Variants in CSRNP3 observed in about 807,000 individuals in gnomAD.
CSRNP3 encodes cysteine and serine rich nuclear protein 3, also known as cysteine/serine-rich nuclear protein 3.
Under a neutral mutation model 48.0 loss-of-function variants are expected in CSRNP3, and 12 were observed. The ratio of observed to expected loss-of-function variants is 0.25; its 90% CI spans 0.16 to 0.41. CSRNP3 has a LOEUF of 0.41. CSRNP3 is among the 10% of genes least tolerant of loss of function. CSRNP3 has a pLI of 1.00. For missense variants in CSRNP3, 580 were observed against 724.4 expected (o/e 0.80, Z 2.29); for synonymous variants, 263 against 269.7 (o/e 0.98, Z 0.24).
intron 3 of CSRNP3, among the ~76,000 whole-genome samples, chr2:165,567,170 A>G (rs1685308013): frequency 6.6e-6 from 1 of 152,044 alleles, no homozygotes; most frequent in Admixed American, 6.6e-5. Flanking sequence ...AGCATATGCT[A>G]TTTTACTCCA....
At chr2:165,481,300 A>G (rs1337790323) in intron 1 of CSRNP3, among the ~76,000 whole-genome samples, 2 of 152,230 alleles carry the variant, frequency 1.3e-5, no homozygotes, top group Non-Finnish European at 2.9e-5. Context: ...TTGGCAAGAT[A>G]CGGTCACTTA....
chr2:165,617,577 G>A (rs1276625205), intron 4 of CSRNP3, among the ~76,000 whole-genome samples: 2 of 152,204 alleles, frequency 1.3e-5, no homozygotes, highest in Admixed American at 1.3e-4. Context: ...GTGATGATGG[G>A]CTGGGCAGGC....
chr2:165,664,690 A>G (rs1394269923), intron 5 of CSRNP3, among the ~76,000 whole-genome samples: 1 of 152,052 alleles, frequency 6.6e-6, no homozygotes, highest in Non-Finnish European at 1.5e-5. Flanking sequence ...CCTTTATAAT[A>G]TGGTACTTGA....
At chr2:165,666,926 AAGAGAGAAGAAGAAAGAAAG>A in intron 5 of CSRNP3, among the ~76,000 whole-genome samples, 1 of 56,156 alleles carries the variant, frequency 1.8e-5, no homozygotes, top group Non-Finnish European at 4.6e-5. Context: ...GAAGGGAGGA[AAGAGAGAAGAAGAAAGAAAG>A]AGAGAGAGGA....
At chr2:165,624,724 C>T (rs1225424307) in intron 4 of CSRNP3, among the ~76,000 whole-genome samples, 1 of 152,192 alleles carries the variant, frequency 6.6e-6, no homozygotes, top group East Asian at 1.9e-4. Flanking sequence ...CCCTGCCTCT[C>T]CCTATTTCCT....
At chr2:165,624,126 G>A (rs1224837129) in intron 4 of CSRNP3, among the ~76,000 whole-genome samples, 1 of 152,148 alleles carries the variant, frequency 6.6e-6, no homozygotes, top group Non-Finnish European at 1.5e-5. Flanking sequence ...TTCAGGGAGA[G>A]CATTCTAGAA....
Position 165,684,467 on chromosome 2 carries a change from C to G in CSRNP3, c.*4714C>G, listed in dbSNP as rs1459319207. 2 of 152,026 alleles carry G rather than the reference C, an allele frequency of 1.3e-5. No individual in the cohort carries two copies. The highest frequency in any genetic ancestry group is 2.9e-5 in the Non-Finnish European group (2 of 67,968). 9.4% of individuals were successfully genotyped at this position (152,026 alleles called of 1,614,324 possible). A position where few individuals can be genotyped will look rare whatever the true frequency, so the allele number is the denominator to read the frequency against. ...AATACCAGGCTTTAATGGGAAGCAC[C>G]TTTGTGCTTTCAAAGGCAAGACTTG... On this transcript the variant is annotated 3_prime_UTR_variant, in exon 7 of 7. Transcript: ENST00000651982.
chr2:165,589,617 T>C (rs1685685236), intron 3 of CSRNP3, among the ~76,000 whole-genome samples: 1 of 152,214 alleles, frequency 6.6e-6, no homozygotes, highest in Admixed American at 6.5e-5. Context: ...CTCTTTCAAT[T>C]TTAAAGACCT....
Position 165,656,462 on chromosome 2 carries a change from T to C in CSRNP3, c.149-1299T>C, listed in dbSNP as rs183758981. Reference sequence around the variant, plus strand: ...GTGAGATAATTGATATGTTAATTAGTTTGATTGAGCATTTTCACAGCACAT... The same window carrying C: ...GTGAGATAATTGATATGTTAATTAGCTTGATTGAGCATTTTCACAGCACAT... On this transcript the variant is annotated intron_variant, in intron 4 of 6. Transcript: ENST00000651982. Among the ~76,000 whole-genome samples the C allele has an allele frequency of 5.9e-5, 9 of 152,272 alleles. No homozygotes were observed. The East Asian group carries it at 1.7e-3, about 29-fold the overall frequency.
intron 3 of CSRNP3, among the ~76,000 whole-genome samples, chr2:165,535,311 T>G (rs1684867426): frequency 6.6e-6 from 1 of 151,554 alleles, no homozygotes; most frequent in Non-Finnish European, 1.5e-5. Flanking sequence ...ATACTTTAGC[T>G]TGTTCTTTTT....
At chr2:165,482,183 CT>C (rs1684055501) in intron 1 of CSRNP3, among the ~76,000 whole-genome samples, 1 of 151,966 alleles carries the variant, frequency 6.6e-6, no homozygotes, top group Non-Finnish European at 1.5e-5. Flanking sequence ...TCAAGAGATC[CT>C]ATTCAGGATT....
Position 165,613,946 on chromosome 2 carries a change from G to A in CSRNP3, c.148+18733G>A, listed in dbSNP as rs150398689. ...TTTTTATTCTGTGAAGAATGTCATTGGTGTTTGATAGAGATTGCGTAGATT... is the reference window on the plus strand; with the variant it reads ...TTTTTATTCTGTGAAGAATGTCATTAGTGTTTGATAGAGATTGCGTAGATT... On this transcript the variant is annotated intron_variant, in intron 4 of 6. Transcript: ENST00000651982. Among the ~76,000 whole-genome samples, 1,323 of 151,804 alleles carry A rather than the reference G, an allele frequency of 8.7e-3. 20 individuals are homozygous for A. Among genetic ancestry groups the A allele is most frequent in the African/African-American group, 0.03 (1,252 of 41,426 alleles).
rs185201672 is a variant in CSRNP3 at position 165,623,397 on chromosome 2, A to G, written c.148+28184A>G. Among the ~76,000 whole-genome samples, 114 of 152,310 alleles carry G rather than the reference A, an allele frequency of 7.5e-4. 1 individual carries two copies. Among genetic ancestry groups the G allele is most frequent in the African/African-American group, 2.7e-3 (111 of 41,564 alleles). Reference sequence around the variant, plus strand: ...ATGGGATCTAGGTTGCGTGCTCCTTATGAGAATCTAATGATAAACGTAATG... The same window carrying G: ...ATGGGATCTAGGTTGCGTGCTCCTTGTGAGAATCTAATGATAAACGTAATG... On this transcript the variant is annotated intron_variant, in intron 4 of 6. Transcript: ENST00000651982.
At position 165,679,205 on chromosome 2, in the gene CSRNP3, G is replaced by T. The variant is rs1331342423; in HGVS notation, c.1210G>T (p.Val404Phe). 87 of 1,613,844 alleles carry T rather than the reference G, an allele frequency of 5.4e-5. No homozygotes were observed. The highest frequency in any genetic ancestry group is 7.2e-5 in the Non-Finnish European group (85 of 1,180,002). Reference sequence around the variant, plus strand: ...AGGTTTGGGCACCCATGCCGAAGTTGTCCCTCTTCCTTCAGTTCTTTGTTA... The same window carrying T: ...AGGTTTGGGCACCCATGCCGAAGTTTTCCCTCTTCCTTCAGTTCTTTGTTA... ...VEGLGTHAEV[V>F]PLPSVLCYSD... Residue 404 changes from valine to phenylalanine, a missense_variant, in exon 7 of 7, where the codon GTC (valine) becomes TTC (phenylalanine). Val to Phe is a conservative substitution (Grantham distance 50). Coordinates refer to ENST00000651982, the MANE Select transcript of CSRNP3 (RefSeq NM_001172173.2).
intron 5 of CSRNP3, 108 bp downstream of exon 5, chr2:165,658,128 A>C: frequency 8.1e-7 from 1 of 1,233,714 alleles, no homozygotes; most frequent in Non-Finnish European, 1.1e-6. Flanking sequence ...ACTTTACATA[A>C]CAGACTGCTT....
chr2:165,633,519 A>G (rs1231225127), intron 4 of CSRNP3, among the ~76,000 whole-genome samples: 1 of 152,184 alleles, frequency 6.6e-6, no homozygotes, highest in Non-Finnish European at 1.5e-5. Flanking sequence ...TTTGTTCAGC[A>G]TTCTAATGCC....
chr2:165,527,289 C>T (rs2105240435), intron 3 of CSRNP3, among the ~76,000 whole-genome samples: 1 of 145,198 alleles, frequency 6.9e-6, no homozygotes, highest in South Asian at 2.2e-4. Flanking sequence ...TCACTGCAAG[C>T]TCTGCCTCCC....
chr2:165,579,321 A>G lies in CSRNP3; in HGVS notation c.-23-15722A>G, dbSNP rs137925001. Reference sequence around the variant, plus strand: ...AGGTTCAAACCATATGTGGCTAAATAGATATGTACCTTGAATCATTCCAAC... The same window carrying G: ...AGGTTCAAACCATATGTGGCTAAATGGATATGTACCTTGAATCATTCCAAC... On this transcript the variant is annotated intron_variant, in intron 3 of 6. Coordinates refer to ENST00000651982, the MANE Select transcript of CSRNP3 (RefSeq NM_001172173.2). 4.7e-4 allele frequency among the ~76,000 whole-genome samples: 71 copies of G among 152,350 alleles called. 1 individual carries two copies. In the East Asian group the frequency reaches 9.1e-3, roughly 19 times the overall value.
intron 3 of CSRNP3, among the ~76,000 whole-genome samples, chr2:165,522,162 T>C (rs1049336075): frequency 6.6e-6 from 1 of 151,924 alleles, no homozygotes; most frequent in African/African-American, 2.4e-5. Flanking sequence ...TGCAGTGGTG[T>C]GTGTCTGTAG....
Sources: allele counts gnomAD v4.1 joint callset (sites outside exome capture counted in the v4.1 genomes callset), GRCh38; gene constraint gnomAD v4.1.1; transcripts MANE v1.5; gene names NCBI Gene and HGNC (gene_info 2026-07-23, HGNC 2026-07-21).